Variants in ATP11B observed in about 807,000 individuals in gnomAD.
ATP11B encodes the protein ATPase phospholipid transporting 11B (putative).
Under a neutral mutation model 157.8 loss-of-function variants are expected in ATP11B, and 81 were observed. That is an observed-to-expected ratio of 0.51 (90% CI 0.43 to 0.62). The LOEUF is 0.62. Among genes scored for constraint, ATP11B ranks in the 20% least tolerant of loss-of-function variants. The pLI, the probability that ATP11B is intolerant of heterozygous loss-of-function variation, is 0.00. For synonymous variants in ATP11B, 451 were observed against 469.4 expected (o/e 0.96, Z 0.51); for missense variants, 1,165 against 1,402.2 (o/e 0.83, Z 2.70).
At chr3:182,884,066 T>C (rs1315025515) in intron 21 of ATP11B, among the ~76,000 whole-genome samples, 2 of 152,040 alleles carry the variant, frequency 1.3e-5, no homozygotes, top group Non-Finnish European at 2.9e-5. Context: ...TTCATCCTTT[T>C]ATGACAAAGT....
chr3:182,877,810 C>A (rs565920213), intron 19 of ATP11B, among the ~76,000 whole-genome samples: 1 of 152,214 alleles, frequency 6.6e-6, no homozygotes, highest in South Asian at 2.1e-4. Context: ...TAAATGCTAC[C>A]TACGTGCCAG....
chr3:182,906,507 G>A (rs1246614969), intron 28 of ATP11B, among the ~76,000 whole-genome samples: 2 of 152,076 alleles, frequency 1.3e-5, no homozygotes, highest in African/African-American at 2.4e-5. Context: ...GCAGTGGCAC[G>A]ATCATGGCTC....
chr3:182,894,170 CT>C, intron 25 of ATP11B, among the ~76,000 whole-genome samples: 1 of 152,220 alleles, frequency 6.6e-6, no homozygotes, highest in Middle Eastern at 3.4e-3. Flanking sequence ...AGTGCAGAAG[CT>C]TTTTGGTTAA....
chr3:182,855,965 A>ATAGTTTGGGAGTTTC (rs1720368053), intron 10 of ATP11B, among the ~76,000 whole-genome samples: 2 of 152,166 alleles, frequency 1.3e-5, no homozygotes, highest in South Asian at 4.1e-4. Context: ...ACTCTGGAAG[A>ATAGTTTGGGAGTTTC]TAGTTTGGGA....
At position 182,872,125 on chromosome 3, in the gene ATP11B, A is replaced by G. The variant is rs866702586; in HGVS notation, c.1867-231A>G. ...CCACCGCACCCAGCCTATTTTGAGC[A>G]ACTTCTTAAGAAAACATCAGAAGTT... On this transcript the variant is annotated intron_variant, in intron 17 of 29. Transcript: ENST00000323116. 1.3e-5 allele frequency among the ~76,000 whole-genome samples: 2 copies of G among 152,332 alleles called. 1 individual carries two copies. The highest frequency in any genetic ancestry group is 6.8e-3 in the Middle Eastern group (2 of 294).
intron 1 of ATP11B, among the ~76,000 whole-genome samples, chr3:182,814,594 GC>G: frequency 6.6e-6 from 1 of 152,118 alleles, no homozygotes; most frequent in South Asian, 2.1e-4. Flanking sequence ...GATTGCTTGA[GC>G]CCAGGAGGTT....
At chr3:182,824,393 G>A (rs1717581534) in intron 2 of ATP11B, among the ~76,000 whole-genome samples, 1 of 152,130 alleles carries the variant, frequency 6.6e-6, no homozygotes, top group African/African-American at 2.4e-5. Context: ...GGTGGATACT[G>A]TCTCCAAGCT....
At chr3:182,819,215 C>G (rs1488241455) in intron 1 of ATP11B, among the ~76,000 whole-genome samples, 2 of 151,738 alleles carry the variant, frequency 1.3e-5, no homozygotes, top group African/African-American at 4.8e-5. Flanking sequence ...ACTACAGGCG[C>G]CCGCCACCAC....
Position 182,830,043 on chromosome 3 carries a change from T to G in ATP11B, c.315+291T>G, listed in dbSNP as rs1411566431. The G allele has an allele frequency of 6.2e-6, 4 of 649,582 alleles. No individual in the cohort carries two copies. In the East Asian group the frequency reaches 4.1e-4, roughly 67 times the overall value. 40.2% of individuals were successfully genotyped at this position (649,582 alleles called of 1,614,324 possible). On this transcript the variant is annotated intron_variant, in intron 4 of 29. Coordinates refer to ENST00000323116, the MANE Select transcript of ATP11B (RefSeq NM_014616.3). ...AAACCATTTATATATGAAATAGATT[T>G]CTTAATTATAATCATCTTTGTAGAG...
chr3:182,896,644 C>T, intron 25 of ATP11B, 56 bp from the exon 26 acceptor site: 1 of 1,430,798 alleles, frequency 7.0e-7, no homozygotes, highest in Non-Finnish European at 9.8e-7. Flanking sequence ...TGACTTTTTA[C>T]CTGACATTTA....
At chr3:182,848,776 G>T (rs1719739255) in intron 10 of ATP11B, among the ~76,000 whole-genome samples, 1 of 151,958 alleles carries the variant, frequency 6.6e-6, no homozygotes, top group South Asian at 2.1e-4. Flanking sequence ...AAATACTATT[G>T]AATAAATGGT....
At chr3:182,887,046 A>G (rs1722840650) in intron 23 of ATP11B, among the ~76,000 whole-genome samples, 3 of 152,198 alleles carry the variant, frequency 2.0e-5, no homozygotes, top group Admixed American at 2.0e-4. Context: ...TATGTAAAGC[A>G]TAGGCAAAGT....
At chr3:182,906,890 C>T (rs910673612) in intron 28 of ATP11B, among the ~76,000 whole-genome samples, 9 of 151,888 alleles carry the variant, frequency 5.9e-5, no homozygotes, top group African/African-American at 2.2e-4. Flanking sequence ...AGACCGAGAC[C>T]ATCCTGGCTG....
chr3:182,800,875 C>T (rs1715961742), intron 1 of ATP11B, among the ~76,000 whole-genome samples: 1 of 144,656 alleles, frequency 6.9e-6, no homozygotes. Flanking sequence ...CCGCCCCCCA[C>T]CCCCCCCAGC....
chr3:182,834,167 T>G (rs977271815), intron 4 of ATP11B, among the ~76,000 whole-genome samples: 13 of 152,194 alleles, frequency 8.5e-5, no homozygotes. Flanking sequence ...TTTGACAGTT[T>G]CAGAAAAAAT....
chr3:182,905,715 G>A (rs972236799), intron 28 of ATP11B: 2 of 450,206 alleles, frequency 4.4e-6, no homozygotes. Flanking sequence ...ATGCCAACTT[G>A]TTGCTTTGAT....
At chr3:182,842,243 T>G in intron 8 of ATP11B, 121 bp downstream of exon 8, 2 of 705,476 alleles carry the variant, frequency 2.8e-6, no homozygotes, top group Non-Finnish European at 4.9e-6. Flanking sequence ...GTTAATTTTG[T>G]TGTGTTTTGT....
Position 182,921,599 on chromosome 3 carries a change from A to ATAT in ATP11B, c.*3497_*3499dup, listed in dbSNP as rs1553830719. On this transcript the variant is annotated 3_prime_UTR_variant, in exon 30 of 30. Transcript: ENST00000323116. ...ATAATTTTTTAAAGTTTATGAAGTT[A>ATAT]TATTTATCAAATAAAAACTTTCCTA... The ATAT allele has an allele frequency of 6.6e-6, 1 of 152,200 alleles. No homozygotes were observed. The highest frequency in any genetic ancestry group is 1.5e-5 in the Non-Finnish European group (1 of 68,034). The allele number at this position is 152,200 out of a possible 1,614,324, so 9.4% of individuals were successfully genotyped here.
chr3:182,834,011 T>C (rs1034319386), intron 4 of ATP11B: 1 of 152,176 alleles, frequency 6.6e-6, no homozygotes, highest in Non-Finnish European at 1.5e-5. Context: ...CTGAGCAGGA[T>C]AGTGAATCAA....
Sources: gnomAD v4.1 joint callset for allele counts (sites outside exome capture counted in the v4.1 genomes callset) on GRCh38, gnomAD v4.1.1 for gene constraint, MANE v1.5 for transcripts, NCBI Gene and HGNC (gene_info 2026-07-23, HGNC 2026-07-21) for gene names.